PC: variants seen among roughly 807,000 people sequenced by gnomAD.
The protein encoded by PC is pyruvate carboxylase, mitochondrial.
Under a neutral mutation model 107.8 loss-of-function variants are expected in PC, and 46 were observed. That is an observed-to-expected ratio of 0.43 (90% CI 0.34 to 0.55). The LOEUF is 0.55. Among genes scored for constraint, PC ranks in the 20% least tolerant of loss-of-function variants. The pLI, the probability that PC is intolerant of heterozygous loss-of-function variation, is 0.04. For synonymous variants in PC, 662 were observed against 684.7 expected, an observed-to-expected ratio of 0.97 and a Z score of 0.52; for missense variants, 1,241 against 1,643.1, an observed-to-expected ratio of 0.76 and a Z score of 4.23.
At position 66,871,483 on chromosome 11, in the gene PC, G is replaced by T. The variant is rs1946728661; in HGVS notation, c.322-3C>A. On this transcript the variant is annotated splice_region_variant and splice_polypyrimidine_tract_variant and intron_variant, in intron 5 of 22. Coordinates refer to ENST00000393960, the MANE Select transcript of PC (RefSeq NM_001040716.2). The surrounding 1 kb of genome is among the most constrained non-coding windows in gnomAD (Gnocchi z 7.4). ...TGCACTGCATCTACGTTGTTCTCCT[G>T]CAGGTGGGGGTCAGGGAGAGGACGG... is the stretch of plus-strand genomic sequence containing the variant. 1 of 1,613,086 alleles carries T rather than the reference G, an allele frequency of 6.2e-7. No individual in the cohort carries two copies. The highest frequency in any genetic ancestry group is 1.1e-5 in the South Asian group (1 of 91,094).
At chr11:66,943,161 G>A (rs763023909) in intron 3 of PC, among the ~76,000 whole-genome samples, 9 of 152,020 alleles carry the variant, frequency 5.9e-5, no homozygotes, top group Non-Finnish European at 1.2e-4. Flanking sequence ...TGAGGGTCCT[G>A]TTCTATGAGT....
intron 3 of PC, among the ~76,000 whole-genome samples, chr11:66,925,394 T>G (rs1282238367): frequency 4.6e-5 from 7 of 152,186 alleles, no homozygotes; most frequent in Non-Finnish European, 8.8e-5. Flanking sequence ...GACGCATCTC[T>G]TTCTCAGGGA....
chr11:66,908,135 G>C (rs1948222602), intron 3 of PC, among the ~76,000 whole-genome samples: 1 of 152,104 alleles, frequency 6.6e-6, no homozygotes. Context: ...AAGGGCAGTG[G>C]TGTTCGAGTT....
At position 66,848,871 on chromosome 11, in the gene PC, A is replaced by T; in HGVS notation, c.*28T>A. On this transcript the variant is annotated 3_prime_UTR_variant, in exon 23 of 23. Transcript: ENST00000393960. ...CACAGCTTCTGTTGAAGGCTTGGGG[A>T]TGGCCAGGCTGCCGGTCTGGGGCAA... The T allele has an allele frequency of 6.2e-7, 1 of 1,612,994 alleles. No homozygotes were observed. The highest frequency in any genetic ancestry group is 8.5e-7 in the Non-Finnish European group (1 of 1,179,926).
intron 3 of PC, among the ~76,000 whole-genome samples, chr11:66,912,956 T>C (rs1452350316): frequency 6.6e-6 from 1 of 151,830 alleles, no homozygotes; most frequent in Non-Finnish European, 1.5e-5. Context: ...GAAGGCTCCT[T>C]CTCTCATTAC....
chr11:66,866,152 G>A lies in PC; in HGVS notation c.1185+35C>T. ...CACCAGGCAGAACCTGTGCACAGGT[G>A]AGCTGGCATCTCCCTCTGCTCGAGC... On this transcript the variant is annotated intron_variant, in intron 11 of 22. Transcript: ENST00000393960. The surrounding 1 kb of genome is among the most constrained non-coding windows in gnomAD (Gnocchi z 5.4). 5.0e-6 allele frequency: 8 copies of A among 1,597,868 alleles called. No homozygotes were observed. The highest frequency in any genetic ancestry group is 2.2e-5 in the East Asian group (1 of 44,772).
At chr11:66,874,718 C>T (rs1286714139) in intron 3 of PC, among the ~76,000 whole-genome samples, 3 of 152,110 alleles carry the variant, frequency 2.0e-5, no homozygotes, top group Non-Finnish European at 4.4e-5. Context: ...GGGTTCTGCT[C>T]ATGGAAGATG....
intron 3 of PC, among the ~76,000 whole-genome samples, chr11:66,906,555 A>G (rs929734106): frequency 6.6e-6 from 1 of 152,210 alleles, no homozygotes; most frequent in East Asian, 1.9e-4. Flanking sequence ...AATCCCGAGC[A>G]GTTTGGGACT....
chr11:66,853,432 G>T, intron 12 of PC, 49 bp from the exon 13 acceptor site: 1 of 1,607,612 alleles, frequency 6.2e-7, no homozygotes, highest in Non-Finnish European at 8.5e-7. Flanking sequence ...GCACAGACAG[G>T]GAAGGCAGAG....
chr11:66,856,189 C>T lies in PC; in HGVS notation c.1369-2806G>A, dbSNP rs574966111. On this transcript the variant is annotated intron_variant, in intron 12 of 22. Transcript: ENST00000393960. ...TCTCTGAGAGGAGCTGGTTCCGAGC[C>T]GCTCTTCCAGGGAAATGGCCCGGCG... Among the ~76,000 whole-genome samples the T allele has an allele frequency of 2.8e-4, 42 of 152,384 alleles. 1 individual carries two copies. The highest frequency in any genetic ancestry group is 1.4e-3 in the South Asian group (7 of 4,832).
At chr11:66,873,425 TATATATATTA>T (rs1565248878) in intron 3 of PC, among the ~76,000 whole-genome samples, 1 of 83,688 alleles carries the variant, frequency 1.2e-5, no homozygotes, top group African/African-American at 5.6e-5. Flanking sequence ...TATAATATAT[TATATATATTA>T]TATATTATAT....
intron 12 of PC, among the ~76,000 whole-genome samples, chr11:66,862,050 G>C (rs1946287279): frequency 1.3e-5 from 2 of 152,148 alleles, no homozygotes; most frequent in East Asian, 1.9e-4. Flanking sequence ...CAACGGGCAG[G>C]GGCAGGCGAG....
chr11:66,958,196 C>A (rs1172734482), intron 1 of PC, 126 bp downstream of exon 1: 1 of 152,078 alleles, frequency 6.6e-6, no homozygotes, highest in African/African-American at 2.4e-5. Context: ...CCGTCACTCG[C>A]GGAGCCCGCG....
chr11:66,943,360 T>C (rs750053491), intron 3 of PC, among the ~76,000 whole-genome samples: 2 of 151,906 alleles, frequency 1.3e-5, no homozygotes, highest in Non-Finnish European at 2.9e-5. Flanking sequence ...GAAGACAGCA[T>C]GATTTGTGAG....
chr11:66,905,502 T>G (rs1392751315), intron 3 of PC, among the ~76,000 whole-genome samples: 1 of 152,256 alleles, frequency 6.6e-6, no homozygotes, highest in African/African-American at 2.4e-5. Context: ...TGTCTGAGAC[T>G]CTGTAAAATA....
At chr11:66,890,667 A>G (rs1196857839) in intron 3 of PC, among the ~76,000 whole-genome samples, 4 of 151,320 alleles carry the variant, frequency 2.6e-5, no homozygotes, top group Non-Finnish European at 5.9e-5. Flanking sequence ...TGCCCGGCTA[A>G]TTTTGTATTT....
Position 66,848,974 on chromosome 11 carries a change from C to T in PC, c.3462G>A (p.Glu1154=), listed in dbSNP as rs373287823. Residue 1154 remains glutamate, a synonymous_variant, in exon 23 of 23, where the codon GAG becomes GAA. Transcript: ENST00000393960. The part of the protein sequence containing the change: ...KMETVVTSPM[E]GTVRKVHVTK... ...TCACATGAACCTTGCGGACAGTACC[C>T]TCCATGGGTGAGGTCACCACAGTCT... The T allele has an allele frequency of 6.8e-6, 11 of 1,614,002 alleles. No individual in the cohort carries two copies. The highest frequency in any genetic ancestry group is 4.5e-5 in the East Asian group (2 of 44,900).
chr11:66,925,906 G>A (rs902293225), intron 3 of PC, among the ~76,000 whole-genome samples: 13 of 149,830 alleles, frequency 8.7e-5, no homozygotes, highest in African/African-American at 1.7e-4. Context: ...CTGACTTCCC[G>A]CAACAGGGAG....
intron 3 of PC, among the ~76,000 whole-genome samples, chr11:66,898,452 G>A (rs1240415876): frequency 6.6e-6 from 1 of 152,172 alleles, no homozygotes; most frequent in Non-Finnish European, 1.5e-5. Context: ...GGCTGAGGTG[G>A]GCAGATCACT....
Sources: gnomAD v4.1 joint callset for allele counts (sites outside exome capture counted in the v4.1 genomes callset) on GRCh38, gnomAD v4.1.1 for gene constraint, Gnocchi (gnomAD v3.1) non-coding constraint, MANE v1.5 for transcripts, NCBI Gene and HGNC (gene_info 2026-07-23, HGNC 2026-07-21) for gene names.